Variants in ITPR3 observed in about 807,000 individuals in gnomAD.
ITPR3 encodes inositol 1,4,5-trisphosphate-gated calcium channel ITPR3.
Under a neutral mutation model 293.2 loss-of-function variants are expected in ITPR3, and 173 were observed. The ratio of observed to expected loss-of-function variants is 0.59; its 90% CI spans 0.52 to 0.67. ITPR3 has a LOEUF of 0.67. Among genes scored for constraint, ITPR3 ranks in the 30% least tolerant of loss-of-function variants. The pLI is 0.00. For missense variants in ITPR3, 2,796 were observed against 3,592.1 expected, an observed-to-expected ratio of 0.78 and a Z score of 5.66; for synonymous variants, 1,295 against 1,444.4, an observed-to-expected ratio of 0.90 and a Z score of 2.35.
rs1039693541 is a variant in ITPR3 at position 33,670,628 on chromosome 6, G to T, written c.2442-43G>T. ...GGGGCAGGGGCAGAGGCTGGAGTGGGTGTATCTCGGGGACCTTCATGCCTC... is the reference window on the plus strand; with the variant it reads ...GGGGCAGGGGCAGAGGCTGGAGTGGTTGTATCTCGGGGACCTTCATGCCTC... On this transcript the variant is annotated intron_variant, in intron 19 of 57. Transcript: ENST00000605930. The surrounding 1 kb of genome is among the most constrained non-coding windows in gnomAD (Gnocchi z 6.7). 1 of 1,613,122 alleles carries T rather than the reference G, an allele frequency of 6.2e-7. No individual in the cohort carries two copies. Among genetic ancestry groups the T allele is most frequent in the Non-Finnish European group, 8.5e-7 (1 of 1,179,704 alleles).
chr6:33,650,250 G>A (rs1390454478), intron 2 of ITPR3, among the ~76,000 whole-genome samples: 6 of 152,358 alleles, frequency 3.9e-5, no homozygotes, highest in Middle Eastern at 3.4e-3. Context: ...GGAGCACAGC[G>A]CAGTAGAAGC....
In ITPR3 at chr6:33,685,773, G is replaced by A; in HGVS notation, c.5613G>A (p.Gln1871=). ...SEMGTSVLIM[Q]PILRFLQLLC... ...TGGGCACATCCGTGCTCATCATGCA[G>A]CCCATCCTGCGCTTTCTGCAGCTGC... The change falls in exon 41 of 58, where the codon CAG becomes CAA. Residue 1871 remains glutamine (Q), a synonymous_variant. Coordinates refer to ENST00000605930, the MANE Select transcript of ITPR3 (RefSeq NM_002224.4). 6.3e-7 allele frequency: 1 copy of A among 1,598,966 alleles called. No homozygotes were observed. The highest frequency in any genetic ancestry group is 8.5e-7 in the Non-Finnish European group (1 of 1,170,322).
In ITPR3 at chr6:33,670,661, C is replaced by T; in HGVS notation, c.2442-10C>T. On this transcript the variant is annotated splice_polypyrimidine_tract_variant and intron_variant, in intron 19 of 57. Coordinates refer to ENST00000605930, the MANE Select transcript of ITPR3 (RefSeq NM_002224.4). The surrounding 1 kb of genome is among the most constrained non-coding windows in gnomAD (Gnocchi z 6.7). Reference sequence around the variant, plus strand: ...CGGGGACCTTCATGCCTCATGGCCTCCACCCTCAGCTATGATTCCAACCTC... The same window carrying T: ...CGGGGACCTTCATGCCTCATGGCCTTCACCCTCAGCTATGATTCCAACCTC... 1.2e-6 allele frequency: 2 copies of T among 1,613,894 alleles called. No individual in the cohort carries two copies. The highest frequency in any genetic ancestry group is 1.7e-6 in the Non-Finnish European group (2 of 1,179,992).
At position 33,684,256 on chromosome 6, in the gene ITPR3, G is replaced by A; in HGVS notation, c.4937+88G>A. ...CGGTGGGGACTAGACAGGCTCACTG[G>A]GTCAGAGGGCCTGGGGGTGTTCCTG... On this transcript the variant is annotated intron_variant, in intron 36 of 57. Coordinates refer to ENST00000605930, the MANE Select transcript of ITPR3 (RefSeq NM_002224.4). The surrounding 1 kb of genome is among the most constrained non-coding windows in gnomAD (Gnocchi z 4.2). 6.3e-7 allele frequency: 1 copy of A among 1,588,308 alleles called. No homozygotes were observed. The highest frequency in any genetic ancestry group is 1.1e-5 in the South Asian group (1 of 90,466).
At position 33,670,828 on chromosome 6, in the gene ITPR3, G is replaced by C; in HGVS notation, c.2586+13G>C. The C allele has an allele frequency of 6.2e-7, 1 of 1,612,128 alleles. No homozygotes were observed. Among genetic ancestry groups the C allele is most frequent in the Non-Finnish European group, 8.5e-7 (1 of 1,179,748 alleles). Reference sequence around the variant, plus strand: ...GCTCACTTTTGAGGTGGCTGGGGGAGTGCCCAGGGGCTGGGGGTCCGTGGA... The same window carrying C: ...GCTCACTTTTGAGGTGGCTGGGGGACTGCCCAGGGGCTGGGGGTCCGTGGA... On this transcript the variant is annotated intron_variant, in intron 20 of 57. Transcript: ENST00000605930. The surrounding 1 kb of genome is among the most constrained non-coding windows in gnomAD (Gnocchi z 6.7).
chr6:33,653,331 T>A (rs1764236400), intron 2 of ITPR3, among the ~76,000 whole-genome samples: 1 of 150,606 alleles, frequency 6.6e-6, no homozygotes, highest in Non-Finnish European at 1.5e-5. Context: ...CCCAGGCCAG[T>A]CTCGAACTCC....
rs1266250209 is a variant in ITPR3 at position 33,685,647 on chromosome 6, C to T, written c.5487C>T (p.Arg1829=). Residue 1829 remains arginine, a synonymous_variant, in exon 41 of 58, where the codon CGC becomes CGT. Transcript: ENST00000605930. ...CTCACCAGGTCTCGCCCACAGGCCG[C>T]GTGGCCTCCTTCTCGATACCTGGCT... The part of the protein sequence containing the change: ...REPVDPTTKG[R]VASFSIPGSS... 2 of 1,584,228 alleles carry T rather than the reference C, an allele frequency of 1.3e-6. No individual in the cohort carries two copies. Among genetic ancestry groups the T allele is most frequent in the African/African-American group, 1.3e-5 (1 of 74,614 alleles).
Position 33,686,182 on chromosome 6 carries a change from A to G in ITPR3, c.5797A>G (p.Asn1933Asp). 1 of 1,614,170 alleles carries G rather than the reference A, an allele frequency of 6.2e-7. No individual in the cohort carries two copies. The highest frequency in any genetic ancestry group is 8.5e-7 in the Non-Finnish European group (1 of 1,180,046). ...GLLGLYINED[N>D]VGLVIQTLET... ...GCTGGGGCTCTACATCAATGAGGAC[A>G]ACGTGGGCCTCGTCATCCAGACCTT... is the stretch of plus-strand genomic sequence containing the variant. The change falls in exon 42 of 58, where the codon AAC (asparagine) becomes GAC (aspartate). Residue 1933 changes from asparagine (N) to aspartate (D), a missense_variant. Transcript: ENST00000605930.
intron 22 of ITPR3, among the ~76,000 whole-genome samples, chr6:33,673,367 C>A (rs529125561): frequency 3.7e-4 from 57 of 152,136 alleles, no homozygotes; most frequent in African/African-American, 1.3e-3. Context: ...ATCACTGGGG[C>A]AGGAGCTGGG....
At position 33,666,806 on chromosome 6, in the gene ITPR3, C is replaced by T. The variant is rs190849220; in HGVS notation, c.1552-323C>T. ...CTCTTAAGCTCTGGCCACAGCGGTC[C>T]GGCCTGCCTTTTCTCTTAGCCTTAG... On this transcript the variant is annotated intron_variant, in intron 14 of 57. Transcript: ENST00000605930. This position sits in a 1 kb window ranked among gnomAD's most constrained non-coding sequence, Gnocchi z 5.1. Among the ~76,000 whole-genome samples the T allele has an allele frequency of 7.2e-5, 11 of 152,292 alleles. No homozygotes were observed. In the East Asian group the frequency reaches 1.9e-3, roughly 27 times the overall value.
chr6:33,650,022 A>T (rs1239526368), intron 2 of ITPR3, among the ~76,000 whole-genome samples: 6 of 152,172 alleles, frequency 3.9e-5, no homozygotes, highest in Non-Finnish European at 8.8e-5. Flanking sequence ...GTGCCCCTTC[A>T]TCCACAGGTA....
intron 22 of ITPR3, 122 bp from the exon 23 acceptor site, chr6:33,673,469 C>A: frequency 7.9e-7 from 1 of 1,266,730 alleles, no homozygotes; most frequent in Non-Finnish European, 1.1e-6. Context: ...GACCCTGCTG[C>A]CCCAAGTGCT....
At position 33,638,600 on chromosome 6, in the gene ITPR3, T is replaced by C. The variant is rs1410475309; in HGVS notation, c.90-1884T>C. Among the ~76,000 whole-genome samples the C allele has an allele frequency of 1.3e-5, 2 of 152,264 alleles. No individual in the cohort carries two copies. The highest frequency in any genetic ancestry group is 4.8e-5 in the African/African-American group (2 of 41,470). On this transcript the variant is annotated intron_variant, in intron 1 of 57. Coordinates refer to ENST00000605930, the MANE Select transcript of ITPR3 (RefSeq NM_002224.4). The surrounding 1 kb of genome is among the most constrained non-coding windows in gnomAD (Gnocchi z 4.3). ...AAAATCTAAACATTGTAACTCTTCT[T>C]GCCTTTATCACTTAGGAAGTTACAA...
rs1267398596 is a variant in ITPR3, at chr6:33,687,954, G to A, written c.6265-103G>A. On this transcript the variant is annotated intron_variant, in intron 46 of 57. Coordinates refer to ENST00000605930, the MANE Select transcript of ITPR3 (RefSeq NM_002224.4). The surrounding 1 kb of genome is among the most constrained non-coding windows in gnomAD (Gnocchi z 5.3). ...CTCTGGCTTGGCGGGGACACTCGCT[G>A]AAGTGTAGTTCAGAGCTAGGCGAAG... 16 of 890,698 alleles carry A rather than the reference G, an allele frequency of 1.8e-5. No individual in the cohort carries two copies. The Admixed American group carries it at 3.5e-4, about 19-fold the overall frequency. The allele number at this position is 890,698 out of a possible 1,614,324, so 55.2% of individuals were successfully genotyped here.
rs756839735 is a variant in ITPR3 at position 33,687,595 on chromosome 6, G to A, written c.6264+31G>A. On this transcript the variant is annotated intron_variant, in intron 46 of 57. Coordinates refer to ENST00000605930, the MANE Select transcript of ITPR3 (RefSeq NM_002224.4). This position sits in a 1 kb window ranked among gnomAD's most constrained non-coding sequence, Gnocchi z 5.3. ...TGCTGGCCCCGAGACTGGGGTGGGG[G>A]TGGGGCCTGGAACCCAGGGAGGACA... is the stretch of plus-strand genomic sequence containing the variant. The A allele has an allele frequency of 4.0e-6, 6 of 1,511,828 alleles. No individual in the cohort carries two copies. Among genetic ancestry groups the A allele is most frequent in the Non-Finnish European group, 5.5e-6 (6 of 1,093,608 alleles). 93.7% of individuals were successfully genotyped at this position (1,511,828 alleles called of 1,614,324 possible).
At position 33,667,933 on chromosome 6, in the gene ITPR3, G is replaced by T; in HGVS notation, c.1855G>T (p.Val619Phe). ...HITKTEVETF[V>F]SLVRKNREPR... ...CACCAAGACCGAGGTGGAGACCTTC[G>T]TCAGCCTTGTGCGCAAGAACCGGGA... Residue 619 changes from valine to phenylalanine, a missense_variant, in exon 16 of 58, where the codon GTC (valine) becomes TTC (phenylalanine). Around this residue, in one of 8 missense-constraint regions of ITPR3, gnomAD observed 955 missense variants for 1,180.8 expected, o/e 0.81. Transcript: ENST00000605930. This position sits in a 1 kb window ranked among gnomAD's most constrained non-coding sequence, Gnocchi z 4.4. 1 of 1,614,180 alleles carries T rather than the reference G, an allele frequency of 6.2e-7. No individual in the cohort carries two copies. The highest frequency in any genetic ancestry group is 8.5e-7 in the Non-Finnish European group (1 of 1,180,034).
Position 33,674,211 on chromosome 6 carries a change from C to CGAT in ITPR3, c.3062_3063insGAT (p.Ala1021_Asn1022insIle). 1 of 1,614,122 alleles carries CGAT rather than the reference C, an allele frequency of 6.2e-7. No individual in the cohort carries two copies. The highest frequency in any genetic ancestry group is 8.5e-7 in the Non-Finnish European group (1 of 1,179,982). ...CCATCTGCCCCTCTCCCCACAGCTG[C>CGAT]CAACATGAACCTGGATCGCATCGGG... is the stretch of plus-strand genomic sequence containing the variant. On this transcript the variant is annotated inframe_insertion, in exon 24 of 58. Transcript: ENST00000605930.
intron 33 of ITPR3, among the ~76,000 whole-genome samples, chr6:33,681,866 G>C (rs1765086681): frequency 6.6e-6 from 1 of 151,986 alleles, no homozygotes; most frequent in South Asian, 2.1e-4. Context: ...TGATGGGGGA[G>C]AGACTTCTCA....
In ITPR3 at chr6:33,669,125, G is replaced by A. The variant is rs750764933; in HGVS notation, c.2158G>A (p.Ala720Thr). 1.5e-5 allele frequency: 24 copies of A among 1,613,906 alleles called. No homozygotes were observed. The highest frequency in any genetic ancestry group is 3.3e-4 in the Middle Eastern group (2 of 6,070). ...GGCCCAGGAGGCGCGGGCCGGCAAC[G>A]CCCACGACGAGAATGTGCTCAGCTA... ...QLAQEARAGN[A>T]HDENVLSYYR... Residue 720 changes from alanine to threonine, a missense_variant, in exon 18 of 58, where the codon GCC becomes ACC. Ala to Thr is a moderately conservative substitution (Grantham distance 58). Around this residue, in one of 8 missense-constraint regions of ITPR3, gnomAD observed 955 missense variants for 1,180.8 expected, o/e 0.81. Transcript: ENST00000605930.
Sources: allele counts gnomAD v4.1 joint callset (sites outside exome capture counted in the v4.1 genomes callset), GRCh38; gene constraint gnomAD v4.1.1; regional missense constraint gnomAD v4.1.1; non-coding constraint Gnocchi (gnomAD v3.1); transcripts MANE v1.5; gene names NCBI Gene and HGNC (gene_info 2026-07-23, HGNC 2026-07-21).